NCOR2: variants seen among roughly 807,000 people sequenced by gnomAD.
NCOR2 encodes nuclear receptor corepressor 2.
NCOR2 carries 81 observed loss-of-function variants against 262.9 expected under a neutral mutation model. That is an observed-to-expected ratio of 0.31 (90% CI 0.26 to 0.37). NCOR2 has a LOEUF of 0.37. Ranked by LOEUF, NCOR2 falls within the 10% of genes least tolerant of loss-of-function variation. The pLI, the probability that NCOR2 is intolerant of heterozygous loss-of-function variation, is 1.00. For missense variants in NCOR2, 3,385 were observed against 3,621.4 expected (o/e 0.93, Z 1.68); for synonymous variants, 1,659 against 1,559.3 (o/e 1.06, Z -1.51).
chr12:124,410,394 G>A (rs533144364), intron 13 of NCOR2, among the ~76,000 whole-genome samples: 7 of 151,750 alleles, frequency 4.6e-5, no homozygotes, highest in Non-Finnish European at 1.0e-4. Flanking sequence ...ATCCCTGACT[G>A]CAGGACGTGG....
Position 124,378,291 on chromosome 12 carries a change from T to A in NCOR2, c.2113A>T (p.Met705Leu). 1.2e-6 allele frequency: 2 copies of A among 1,613,912 alleles called. No homozygotes were observed. Among genetic ancestry groups the A allele is most frequent in the Non-Finnish European group, 8.5e-7 (1 of 1,179,872 alleles). Residue 705 changes from methionine to leucine, a missense_variant, in exon 18 of 47, where the codon ATG becomes TTG. Met to Leu is a conservative substitution (Grantham distance 15). Coordinates refer to ENST00000405201, the Ensembl canonical transcript of NCOR2. The surrounding 1 kb of genome is among the most constrained non-coding windows in gnomAD (Gnocchi z 4.2). ...TTTCCGCTCACGCCCGACGCCTCCA[T>A]CTCCTCATCCTCCACCACGGGCGGG...
rs754735163 is a variant in NCOR2 at position 124,449,875 on chromosome 12, G to A, written c.763-8C>T. 2.5e-5 allele frequency: 40 copies of A among 1,613,650 alleles called. No homozygotes were observed. The African/African-American group carries it at 4.8e-4, about 19-fold the overall frequency. On this transcript the variant is annotated splice_region_variant and splice_polypyrimidine_tract_variant and intron_variant, in intron 6 of 46. Transcript: ENST00000405201. The stretch of plus-strand genomic sequence containing the variant: ...GGGCTGGTTGTACAGCGGCTGCAAA[G>A]GGAGAGAGAGAAGCACATCAGAGCC...
intron 20 of NCOR2, among the ~76,000 whole-genome samples, chr12:124,366,239 C>G (rs114507128): frequency 2.6e-5 from 4 of 152,086 alleles, no homozygotes; most frequent in Non-Finnish European, 5.9e-5. Flanking sequence ...CCTGTCCGCA[C>G]GATGGAACAC....
chr12:124,404,878 C>A (rs1416068779), intron 13 of NCOR2, among the ~76,000 whole-genome samples: 1 of 152,256 alleles, frequency 6.6e-6, no homozygotes, highest in African/African-American at 2.4e-5. Context: ...AAACACTATC[C>A]CAGCCTCAGA....
rs540465027 is a variant in NCOR2 at position 124,559,074 on chromosome 12, G to A, written c.-165+8234C>T. Among the ~76,000 whole-genome samples the A allele has an allele frequency of 2.0e-5, 3 of 152,308 alleles. No individual in the cohort carries two copies. The South Asian group carries it at 6.2e-4, about 32-fold the overall frequency. On this transcript the variant is annotated intron_variant, in intron 1 of 32. Coordinates refer to the NCOR2 transcript ENST00000458234. ...CCCCCAGGAGCCACCCGGCCTGCAG[G>A]CACATACGCACAGACACATGCAGGC...
chr12:124,468,321 A>C (rs1447254669), intron 4 of NCOR2, among the ~76,000 whole-genome samples: 3 of 22,706 alleles, frequency 1.3e-4, no homozygotes, highest in Non-Finnish European at 2.0e-4. Context: ...CATCCTCATC[A>C]CCCTCATCAT....
intron 16 of NCOR2, among the ~76,000 whole-genome samples, chr12:124,390,477 G>GCCCCCC (rs1593336559): frequency 2.3e-5 from 3 of 129,118 alleles, no homozygotes; most frequent in African/African-American, 1.0e-4. Context: ...CCTCCAAAGT[G>GCCCCCC]ACCCCCCCCC....
intron 1 of NCOR2, among the ~76,000 whole-genome samples, chr12:124,527,406 T>C (rs2050534602): frequency 6.6e-6 from 1 of 152,168 alleles, no homozygotes; most frequent in South Asian, 2.1e-4. Flanking sequence ...TTTTAGGTGA[T>C]GAAATAATTT....
At chr12:124,452,839 C>T (rs1481543493) in intron 6 of NCOR2, among the ~76,000 whole-genome samples, 1 of 152,206 alleles carries the variant, frequency 6.6e-6, no homozygotes, top group Non-Finnish European at 1.5e-5. Flanking sequence ...CTTCTCAAGG[C>T]GGCCATCGGT....
At chr12:124,560,463 T>G (rs535383641) in intron 1 of NCOR2, among the ~76,000 whole-genome samples, 10 of 152,392 alleles carry the variant, frequency 6.6e-5, no homozygotes, top group African/African-American at 2.4e-4. Flanking sequence ...TCTCAGCTTG[T>G]GCACCATACA....
chr12:124,533,350 G>A (rs956314077), intron 1 of NCOR2, among the ~76,000 whole-genome samples: 2 of 152,056 alleles, frequency 1.3e-5, no homozygotes, highest in South Asian at 4.2e-4. Context: ...CCCTCAGCCT[G>A]GGTCACCCTT....
chr12:124,326,884 T>A (rs1052494208), intron 45 of NCOR2, among the ~76,000 whole-genome samples: 2 of 152,136 alleles, frequency 1.3e-5, no homozygotes, highest in African/African-American at 4.8e-5. Flanking sequence ...ACAGAGGGTA[T>A]TGATGGGGAA....
intron 20 of NCOR2, among the ~76,000 whole-genome samples, chr12:124,367,973 T>A (rs1413676528): frequency 1.3e-5 from 2 of 152,338 alleles, no homozygotes; most frequent in African/African-American, 2.4e-5. Context: ...ACTTCTATTT[T>A]CCTTTCTGGC....
chr12:124,380,716 AG>A (rs1232245266), intron 17 of NCOR2, among the ~76,000 whole-genome samples: 2 of 152,118 alleles, frequency 1.3e-5, no homozygotes, highest in East Asian at 3.9e-4. Flanking sequence ...AGAGTCTCGC[AG>A]GGAACAGGGG....
At chr12:124,524,724 C>T (rs1490051640) in intron 1 of NCOR2, among the ~76,000 whole-genome samples, 1 of 152,224 alleles carries the variant, frequency 6.6e-6, no homozygotes, top group East Asian at 1.9e-4. Context: ...CTAATCACCC[C>T]CAGGTCTCCC....
chr12:124,393,555 A>G (rs376230046), intron 16 of NCOR2, among the ~76,000 whole-genome samples: 19 of 152,200 alleles, frequency 1.2e-4, no homozygotes, highest in South Asian at 1.0e-3. Context: ...ATGGGGCCAC[A>G]CTGCCCCTGC....
rs139694367 is a variant in NCOR2 at position 124,483,410 on chromosome 12, C to T, written c.411+186G>A. Among the ~76,000 whole-genome samples the T allele has an allele frequency of 2.6e-5, 4 of 152,286 alleles. No homozygotes were observed. Among genetic ancestry groups the T allele is most frequent in the Non-Finnish European group, 4.4e-5 (3 of 68,020 alleles). ...CCCCACTTCTTCCCACACTCTGGCA[C>T]CTCCAGAGACCCAGCGCCTGCCCTC... On this transcript the variant is annotated intron_variant, in intron 3 of 46. Transcript: ENST00000405201. The surrounding 1 kb of genome is among the most constrained non-coding windows in gnomAD (Gnocchi z 6.3).
In NCOR2 at chr12:124,389,358, G is replaced by T. The variant is rs1412544346; in HGVS notation, c.1877-3471C>A. Among the ~76,000 whole-genome samples, 1 of 152,140 alleles carries T rather than the reference G, an allele frequency of 6.6e-6. No homozygotes were observed. The highest frequency in any genetic ancestry group is 1.5e-5 in the Non-Finnish European group (1 of 68,008). ...CTCCAGACGGAGGCTCGCGGCGGGCGGGCAGGCGGGCGGGGGAGCGTGGCA... is the reference window on the plus strand; with the variant it reads ...CTCCAGACGGAGGCTCGCGGCGGGCTGGCAGGCGGGCGGGGGAGCGTGGCA... On this transcript the variant is annotated intron_variant, in intron 16 of 46. Coordinates refer to ENST00000405201, the Ensembl canonical transcript of NCOR2. This position sits in a 1 kb window ranked among gnomAD's most constrained non-coding sequence, Gnocchi z 4.4.
chr12:124,555,012 G>A (rs570374140), intron 1 of NCOR2, among the ~76,000 whole-genome samples: 50 of 74,336 alleles, frequency 6.7e-4, no homozygotes, highest in African/African-American at 1.7e-3. Flanking sequence ...ACAGTCCAGG[G>A]GAAAGGGATG....
Sources: allele counts gnomAD v4.1 joint callset (sites outside exome capture counted in the v4.1 genomes callset), GRCh38; gene constraint gnomAD v4.1.1; non-coding constraint Gnocchi (gnomAD v3.1); transcripts MANE v1.5; gene names NCBI Gene and HGNC (gene_info 2026-07-23, HGNC 2026-07-21).